The following EPHA7 variants were observed in gnomAD, a reference collection of about 807,000 sequenced individuals.
The protein encoded by EPHA7 is ephrin type-A receptor 7.
In EPHA7, 25 loss-of-function variants were observed where a neutral mutation model predicts 112.6. That is an observed-to-expected ratio of 0.22 (90% CI 0.16 to 0.31). EPHA7 has a LOEUF of 0.31. EPHA7 is among the 10% of genes least tolerant of loss of function. EPHA7 has a pLI of 1.00. For synonymous variants in EPHA7, 437 were observed against 406.5 expected (o/e 1.07, Z -0.90); for missense variants, 962 against 1,212.6 (o/e 0.79, Z 3.07).
intron 3 of EPHA7, among the ~76,000 whole-genome samples, chr6:93,365,480 T>G (rs1402879069): frequency 6.6e-6 from 1 of 152,204 alleles, no homozygotes; most frequent in East Asian, 1.9e-4. Context: ...AAGCACAGCT[T>G]ATAGAAATAG....
chr6:93,292,561 G>T (rs939607270), intron 5 of EPHA7, among the ~76,000 whole-genome samples: 4 of 151,932 alleles, frequency 2.6e-5, no homozygotes, highest in African/African-American at 9.7e-5. Context: ...CCAGATAAAA[G>T]GTTATGGAGT....
intron 5 of EPHA7, among the ~76,000 whole-genome samples, chr6:93,297,591 C>T (rs904836079): frequency 7.9e-5 from 12 of 151,978 alleles, no homozygotes; most frequent in East Asian, 1.9e-4. Flanking sequence ...TCTGTATAGC[C>T]GTTCTAAACC....
At chr6:93,358,863 T>C (rs746139178) in intron 3 of EPHA7, among the ~76,000 whole-genome samples, 2 of 152,188 alleles carry the variant, frequency 1.3e-5, no homozygotes, top group Non-Finnish European at 2.9e-5. Context: ...TGAAAAACAT[T>C]AATGTAACTT....
chr6:93,290,702 G>T (rs969538297), intron 5 of EPHA7, among the ~76,000 whole-genome samples: 28 of 152,032 alleles, frequency 1.8e-4, no homozygotes, highest in African/African-American at 6.5e-4. Flanking sequence ...CCAAGGTTTG[G>T]CAGTAATGTT....
intron 3 of EPHA7, among the ~76,000 whole-genome samples, chr6:93,364,938 A>G (rs968018446): frequency 3.3e-5 from 5 of 152,176 alleles, no homozygotes; most frequent in Admixed American, 1.3e-4. Context: ...TTATATTTAG[A>G]GGAGATTTTT....
chr6:93,404,447 C>A (rs561721852), intron 3 of EPHA7, among the ~76,000 whole-genome samples: 3 of 151,948 alleles, frequency 2.0e-5, no homozygotes, highest in Admixed American at 1.3e-4. Flanking sequence ...AATAAGGATT[C>A]GGAAGCCAGA....
chr6:93,377,578 A>G (rs751493206), intron 3 of EPHA7, among the ~76,000 whole-genome samples: 20 of 152,036 alleles, frequency 1.3e-4, no homozygotes, highest in Non-Finnish European at 2.5e-4. Flanking sequence ...ACATAGATTT[A>G]AGTTGACAGA....
chr6:93,363,925 A>G (rs1776376661), intron 3 of EPHA7, among the ~76,000 whole-genome samples: 1 of 152,218 alleles, frequency 6.6e-6, no homozygotes. Flanking sequence ...AACATGCTAC[A>G]TAAGAGAATC....
At chr6:93,285,534 G>A (rs1017769890) in intron 5 of EPHA7, among the ~76,000 whole-genome samples, 6 of 151,948 alleles carry the variant, frequency 3.9e-5, no homozygotes, top group South Asian at 2.1e-4. Context: ...ATAAGAAATC[G>A]AAAACAATTC....
chr6:93,392,738 G>C (rs547327090), intron 3 of EPHA7, among the ~76,000 whole-genome samples: 173 of 151,746 alleles, frequency 1.1e-3, no homozygotes, highest in African/African-American at 3.9e-3. Context: ...ATTTCATATT[G>C]CAAAATGTAT....
chr6:93,371,700 A>G (rs1297607088), intron 3 of EPHA7, among the ~76,000 whole-genome samples: 2 of 152,238 alleles, frequency 1.3e-5, no homozygotes, highest in African/African-American at 4.8e-5. Flanking sequence ...ATGAAAAACT[A>G]GAATATAATG....
intron 3 of EPHA7, among the ~76,000 whole-genome samples, chr6:93,359,854 T>TAGAGAGAGAGAGAGAGAGAG (rs57690732): frequency 1.3e-4 from 16 of 125,216 alleles, no homozygotes; most frequent in Non-Finnish European, 1.5e-4. Flanking sequence ...CAATAGATGA[T>TAGAGAGAGAGAGAGAGAGAG]AGAGAGAGAG....
At chr6:93,245,521 T>C (rs1193621525) in intron 15 of EPHA7, 68 bp from the exon 16 acceptor site, 1 of 1,519,006 alleles carries the variant, frequency 6.6e-7, no homozygotes, top group African/African-American at 1.4e-5. Flanking sequence ...TTTTGGCCCA[T>C]ATAAAATTAA....
At chr6:93,369,754 C>T (rs1263594433) in intron 3 of EPHA7, among the ~76,000 whole-genome samples, 1 of 152,144 alleles carries the variant, frequency 6.6e-6, no homozygotes, top group East Asian at 1.9e-4. Context: ...AGCACAATGT[C>T]CAGCACATAG....
chr6:93,262,443 C>T (rs931408027), intron 9 of EPHA7, among the ~76,000 whole-genome samples: 13 of 151,156 alleles, frequency 8.6e-5, no homozygotes, highest in Non-Finnish European at 1.9e-4. Context: ...TTGAGGCTTA[C>T]CCCATATACA....
chr6:93,255,365 A>ACAG (rs1770395130), intron 13 of EPHA7, among the ~76,000 whole-genome samples: 1 of 151,978 alleles, frequency 6.6e-6, no homozygotes, highest in East Asian at 1.9e-4. Context: ...AACAACAACA[A>ACAG]CAACAGCCAC....
chr6:93,242,479 G>T lies in EPHA7; in HGVS notation c.*947C>A. The stretch of plus-strand genomic sequence containing the variant: ...GTCACGAGAATGAAAAAATCTTGAT[G>T]TGCTCAGATTAATTTTTAGATAACA... On this transcript the variant is annotated 3_prime_UTR_variant, in exon 17 of 17. Coordinates refer to ENST00000369303, the MANE Select transcript of EPHA7 (RefSeq NM_004440.4). The T allele has an allele frequency of 5.1e-6, 1 of 197,708 alleles. No individual in the cohort carries two copies. The highest frequency in any genetic ancestry group is 2.3e-5 in the African/African-American group (1 of 43,524). 12.2% of individuals were successfully genotyped at this position (197,708 alleles called of 1,614,324 possible). A position where few individuals can be genotyped will look rare whatever the true frequency, so the allele number is the denominator to read the frequency against.
chr6:93,391,516 C>A (rs1208322557), intron 3 of EPHA7, among the ~76,000 whole-genome samples: 2 of 151,846 alleles, frequency 1.3e-5, no homozygotes, highest in African/African-American at 4.8e-5. Context: ...CAGAGAAGGA[C>A]CAAGGCAAGG....
At chr6:93,273,944 A>G (rs1466421763) in intron 5 of EPHA7, among the ~76,000 whole-genome samples, 1 of 151,922 alleles carries the variant, frequency 6.6e-6, no homozygotes, top group Non-Finnish European at 1.5e-5. Context: ...TACTTGACAA[A>G]TAATCTCTAG....
Sources: allele counts gnomAD v4.1 joint callset (sites outside exome capture counted in the v4.1 genomes callset), GRCh38; gene constraint gnomAD v4.1.1; transcripts MANE v1.5; gene names NCBI Gene and HGNC (gene_info 2026-07-23, HGNC 2026-07-21).